Variants in EPHB1 observed in about 807,000 individuals in gnomAD.
The protein encoded by EPHB1 is EPH receptor B1.
Under a neutral mutation model 94.4 loss-of-function variants are expected in EPHB1, and 30 were observed. The ratio of observed to expected loss-of-function variants is 0.32; its 90% confidence interval spans 0.24 to 0.43. EPHB1 has a LOEUF of 0.43. Ranked by LOEUF, EPHB1 falls within the 20% of genes least tolerant of loss-of-function variation. The pLI is 1.00. For synonymous variants in EPHB1, 522 were observed against 489.1 expected, an observed-to-expected ratio of 1.07 and a Z score of -0.89; for missense variants, 1,055 against 1,308.3, an observed-to-expected ratio of 0.81 and a Z score of 2.99.
intron 1 of EPHB1, among the ~76,000 whole-genome samples, chr3:134,902,997 G>A (rs2038234274): frequency 1.3e-5 from 2 of 152,232 alleles, no homozygotes; most frequent in Admixed American, 1.3e-4. Flanking sequence ...TGAACATGGA[G>A]TTAGGGCACC....
intron 3 of EPHB1, among the ~76,000 whole-genome samples, chr3:135,053,312 G>A (rs1372733871): frequency 6.6e-6 from 1 of 151,694 alleles, no homozygotes; most frequent in Non-Finnish European, 1.5e-5. Flanking sequence ...CCATAAATAT[G>A]TAACATACTA....
chr3:135,159,463 T>C (rs1020710117), intron 6 of EPHB1, among the ~76,000 whole-genome samples: 1 of 152,254 alleles, frequency 6.6e-6, no homozygotes, highest in Non-Finnish European at 1.5e-5. Context: ...AACCAGAGAA[T>C]TCAGGCAGCT....
chr3:134,907,009 A>T (rs569712633), intron 1 of EPHB1, among the ~76,000 whole-genome samples: 1 of 152,358 alleles, frequency 6.6e-6, no homozygotes, highest in East Asian at 1.9e-4. Context: ...GACAAGTGCT[A>T]TTTATAAAAG....
chr3:134,903,507 T>C (rs1181871863), intron 1 of EPHB1, among the ~76,000 whole-genome samples: 1 of 152,232 alleles, frequency 6.6e-6, no homozygotes, highest in African/African-American at 2.4e-5. Flanking sequence ...GCATCATTTG[T>C]CATTAAAATG....
chr3:135,161,973 G>T (rs1390901021), intron 6 of EPHB1, 45 bp from the exon 7 acceptor site: 1 of 1,566,404 alleles, frequency 6.4e-7, no homozygotes, highest in African/African-American at 1.4e-5. Flanking sequence ...TGGGGGTGTA[G>T]CCTTCAGGAA....
chr3:135,101,004 CCTT>C (rs1047245712), intron 3 of EPHB1, among the ~76,000 whole-genome samples: 1 of 152,080 alleles, frequency 6.6e-6, no homozygotes, highest in Non-Finnish European at 1.5e-5. Context: ...AGTTTCTAGG[CCTT>C]CTGTCTGAAC....
intron 3 of EPHB1, among the ~76,000 whole-genome samples, chr3:134,970,771 G>C (rs960306685): frequency 1.3e-5 from 2 of 152,156 alleles, no homozygotes; most frequent in South Asian, 2.1e-4. Flanking sequence ...ATGCGAGCTG[G>C]ACTCTGTCTC....
chr3:134,968,371 T>G (rs1352220080), intron 3 of EPHB1, among the ~76,000 whole-genome samples: 6 of 152,208 alleles, frequency 3.9e-5, no homozygotes. Context: ...GTAGAAAATT[T>G]AAAGAGATCC....
intron 6 of EPHB1, among the ~76,000 whole-genome samples, chr3:135,157,863 A>T (rs1286280133): frequency 6.6e-6 from 1 of 152,246 alleles, no homozygotes; most frequent in Non-Finnish European, 1.5e-5. Context: ...AAGGAAAAAA[A>T]GTGTATACTT....
intron 1 of EPHB1, among the ~76,000 whole-genome samples, chr3:134,833,370 G>A (rs1206378962): frequency 1.3e-5 from 2 of 152,230 alleles, no homozygotes; most frequent in East Asian, 3.8e-4. Context: ...GACTGTGAGT[G>A]GGTGAGCTGT....
chr3:135,124,668 G>A (rs1363243194), intron 4 of EPHB1, among the ~76,000 whole-genome samples: 1 of 151,768 alleles, frequency 6.6e-6, no homozygotes, highest in Non-Finnish European at 1.5e-5. Context: ...AGTTCTGTCT[G>A]TATCTGAAGA....
At chr3:134,846,569 G>C (rs1260712273) in intron 1 of EPHB1, among the ~76,000 whole-genome samples, 5 of 152,180 alleles carry the variant, frequency 3.3e-5, no homozygotes, top group Non-Finnish European at 7.3e-5. Context: ...GTGGTAAAAT[G>C]GCTTTTCCCC....
intron 1 of EPHB1, among the ~76,000 whole-genome samples, chr3:134,805,154 C>T (rs528528638): frequency 2.6e-5 from 4 of 152,274 alleles, no homozygotes; most frequent in South Asian, 2.1e-4. Context: ...GGTGGTTTCA[C>T]GTGAATTCTT....
intron 1 of EPHB1, among the ~76,000 whole-genome samples, chr3:134,888,852 A>G (rs558629616): frequency 2.0e-4 from 31 of 152,198 alleles, no homozygotes; most frequent in African/African-American, 6.3e-4. Flanking sequence ...AGGCTCAGCC[A>G]TGGGCAAGGT....
Position 135,146,261 on chromosome 3 carries a change from G to A in EPHB1, c.1298-7891G>A, listed in dbSNP as rs577793811. 2.6e-5 allele frequency among the ~76,000 whole-genome samples: 4 copies of A among 152,336 alleles called. No individual in the cohort carries two copies. The East Asian group carries it at 7.7e-4, about 29-fold the overall frequency. ...GATGCCCACAGGGAATGGAATTAGGGCTTTTTCTAGTGGTGAGCCATTGAA... is the reference window on the plus strand; with the variant it reads ...GATGCCCACAGGGAATGGAATTAGGACTTTTTCTAGTGGTGAGCCATTGAA... On this transcript the variant is annotated intron_variant, in intron 5 of 15. Transcript: ENST00000398015.
chr3:135,131,612 G>A (rs187614365), intron 4 of EPHB1, among the ~76,000 whole-genome samples: 1 of 152,302 alleles, frequency 6.6e-6, no homozygotes, highest in African/African-American at 2.4e-5. Flanking sequence ...CTGGTTTTGG[G>A]CAGCAGATTC....
intron 3 of EPHB1, among the ~76,000 whole-genome samples, chr3:135,083,537 G>T (rs116725917): frequency 0.035 from 5,344 of 151,620 alleles, 135 homozygotes; most frequent in Middle Eastern, 0.054. Flanking sequence ...GAGGATGAAG[G>T]CATTAGGGCA....
intron 12 of EPHB1, among the ~76,000 whole-genome samples, chr3:135,238,443 A>C (rs1259857809): frequency 2.0e-5 from 3 of 152,148 alleles, no homozygotes; most frequent in Non-Finnish European, 4.4e-5. Context: ...TGGGCCAGGC[A>C]CTGCCACTTT....
At chr3:135,229,589 G>A (rs186053086) in intron 12 of EPHB1, among the ~76,000 whole-genome samples, 51 of 152,188 alleles carry the variant, frequency 3.4e-4, no homozygotes, top group Middle Eastern at 3.4e-3. Context: ...CCCACATGAA[G>A]AGGAGAAAAA....
Sources: allele counts gnomAD v4.1 joint callset (sites outside exome capture counted in the v4.1 genomes callset), GRCh38; gene constraint gnomAD v4.1.1; transcripts MANE v1.5; gene names NCBI Gene and HGNC (gene_info 2026-07-23, HGNC 2026-07-21).